Variants in SYN2 observed in about 807,000 individuals in gnomAD.
The protein encoded by SYN2 is synapsin II.
In SYN2, 19 loss-of-function variants were observed where a neutral mutation model predicts 50.9. The observed-to-expected ratio is 0.37, with a 90% CI of 0.26 to 0.55. The LOEUF is 0.55. Ranked by LOEUF, SYN2 falls within the 20% of genes least tolerant of loss-of-function variation. SYN2 has a pLI of 0.81. For synonymous variants in SYN2, 255 were observed against 224.9 expected, an observed-to-expected ratio of 1.13 and a Z score of -1.20; for missense variants, 587 against 576.4, an observed-to-expected ratio of 1.02 and a Z score of -0.19.
chr3:12,111,803 G>C lies in SYN2; in HGVS notation c.378-28848G>C, dbSNP rs75199416. Among the ~76,000 whole-genome samples, 276 of 152,268 alleles carry C rather than the reference G, an allele frequency of 1.8e-3. 4 individuals carry two copies. In the East Asian group the frequency reaches 0.048, roughly 27 times the overall value. ...CACTGCTTTGGGCCATTCATTCCTA[G>C]GGATATTGACTACTGTTCCACGTTG... On this transcript the variant is annotated intron_variant, in intron 1 of 12. Transcript: ENST00000621198.
At chr3:12,082,714 C>T (rs907150463) in intron 1 of SYN2, among the ~76,000 whole-genome samples, 13 of 152,160 alleles carry the variant, frequency 8.5e-5, no homozygotes, top group East Asian at 1.9e-4. Flanking sequence ...TTTATAATCC[C>T]TTGATATATA....
intron 1 of SYN2, among the ~76,000 whole-genome samples, chr3:12,089,465 G>C (rs1695779293): frequency 6.6e-6 from 1 of 152,050 alleles, no homozygotes; most frequent in African/African-American, 2.4e-5. Context: ...ATGAGATTTG[G>C]GTGGGGACAC....
intron 10 of SYN2, among the ~76,000 whole-genome samples, chr3:12,183,038 AT>A (rs1698258131): frequency 6.6e-6 from 1 of 152,240 alleles, no homozygotes; most frequent in Admixed American, 6.5e-5. Flanking sequence ...ATGAGTCTAA[AT>A]GGAGGAAAAT....
chr3:12,162,053 C>G lies in SYN2; in HGVS notation c.879C>G (p.Ser293Arg). 1 of 1,614,032 alleles carries G rather than the reference C, an allele frequency of 6.2e-7. No individual in the cohort carries two copies. Among genetic ancestry groups the G allele is most frequent in the Non-Finnish European group, 8.5e-7 (1 of 1,179,908 alleles). Residue 293 changes from serine (S) to arginine (R), a missense_variant, in exon 7 of 13, where the codon AGC (serine) becomes AGG (arginine). Ser to Arg is a moderately radical substitution (Grantham distance 110). Transcript: ENST00000621198. ...ENHYDFQDIA[S>R]VVALTQTYAT... ...ACTACGACTTCCAGGACATTGCCAG[C>G]GTGGTGGCTCTCACCCAGACCTATG...
intron 1 of SYN2, among the ~76,000 whole-genome samples, chr3:12,007,589 A>T (rs898867935): frequency 6.6e-6 from 1 of 152,232 alleles, no homozygotes; most frequent in Non-Finnish European, 1.5e-5. Context: ...GATATCGTAT[A>T]TGCCCTATAT....
Position 12,058,003 on chromosome 3 carries a change from A to G in SYN2, c.377+53075A>G, listed in dbSNP as rs1287247111. Among the ~76,000 whole-genome samples, 7 of 152,122 alleles carry G rather than the reference A, an allele frequency of 4.6e-5. No individual in the cohort carries two copies. In the East Asian group the frequency reaches 1.2e-3, roughly 25 times the overall value. On this transcript the variant is annotated intron_variant, in intron 1 of 12. Coordinates refer to ENST00000621198, the MANE Select transcript of SYN2 (RefSeq NM_133625.6). ...ATATATTCTGTGGTCCCATTCCCCAACCCTTCTCCATCAGAATCTACATTT... is the reference window on the plus strand; with the variant it reads ...ATATATTCTGTGGTCCCATTCCCCAGCCCTTCTCCATCAGAATCTACATTT...
chr3:12,130,615 A>G (rs1696776194), intron 1 of SYN2, among the ~76,000 whole-genome samples: 1 of 152,210 alleles, frequency 6.6e-6, no homozygotes, highest in Non-Finnish European at 1.5e-5. Flanking sequence ...AAACACATTT[A>G]GAAATAATGT....
chr3:12,019,640 A>T (rs1416399646), intron 1 of SYN2, among the ~76,000 whole-genome samples: 1 of 152,168 alleles, frequency 6.6e-6, no homozygotes, highest in African/African-American at 2.4e-5. Context: ...ACTCAACTTA[A>T]CTGTGACCCT....
At chr3:12,104,006 A>C (rs2125190883) in intron 1 of SYN2, among the ~76,000 whole-genome samples, 1 of 152,366 alleles carries the variant, frequency 6.6e-6, no homozygotes, top group African/African-American at 2.4e-5. Context: ...AAAATATCTA[A>C]ACAAGATATA....
chr3:12,187,447 T>A lies in SYN2; in HGVS notation c.1448T>A (p.Leu483Gln). The A allele has an allele frequency of 6.4e-7, 1 of 1,553,208 alleles. No individual in the cohort carries two copies. Among genetic ancestry groups the A allele is most frequent in the Non-Finnish European group, 8.7e-7 (1 of 1,147,686 alleles). ...CGCCGGCTCCCCCCTGGACCATCACTGCCACCTTCCTCCTCTTCCTCCTCT... is the reference window on the plus strand; with the variant it reads ...CGCCGGCTCCCCCCTGGACCATCACAGCCACCTTCCTCCTCTTCCTCCTCT... ...PPRRLPPGPS[L>Q]PPSSSSSSSS... is the part of the protein sequence containing the mutation. Residue 483 changes from leucine to glutamine, a missense_variant, in exon 12 of 13, where the codon CTG becomes CAG. Physicochemically the swap from Leu to Gln is moderately radical, Grantham distance 113 (BLOSUM62 -2). Coordinates refer to ENST00000621198, the MANE Select transcript of SYN2 (RefSeq NM_133625.6).
At chr3:12,135,959 T>C (rs1696886041) in intron 1 of SYN2, among the ~76,000 whole-genome samples, 1 of 152,222 alleles carries the variant, frequency 6.6e-6, no homozygotes, top group African/African-American at 2.4e-5. Context: ...TCAAAAATTT[T>C]CTGAAAAATC....
chr3:12,057,614 T>G (rs1695023089), intron 1 of SYN2, among the ~76,000 whole-genome samples: 1 of 152,146 alleles, frequency 6.6e-6, no homozygotes, highest in African/African-American at 2.4e-5. Flanking sequence ...AAAGTTGGCT[T>G]TATATTTTGT....
chr3:12,158,932 C>T, intron 5 of SYN2: 2 of 1,422,962 alleles, frequency 1.4e-6, no homozygotes, highest in South Asian at 1.5e-5. Context: ...CCCCTCGCCC[C>T]AGGCTTTATG....
intron 1 of SYN2, among the ~76,000 whole-genome samples, chr3:12,108,825 A>G (rs1422190625): frequency 2.0e-5 from 3 of 148,144 alleles, no homozygotes; most frequent in African/African-American, 7.6e-5. Flanking sequence ...AAAAAAACAT[A>G]TAATCAGTTT....
At chr3:12,181,620 A>G (rs970978350) in intron 10 of SYN2, among the ~76,000 whole-genome samples, 2 of 152,260 alleles carry the variant, frequency 1.3e-5, no homozygotes, top group Non-Finnish European at 2.9e-5. Flanking sequence ...TAAGCACGCC[A>G]TAAATGTCAG....
chr3:12,050,613 G>T (rs763375462), intron 1 of SYN2, among the ~76,000 whole-genome samples: 2 of 150,942 alleles, frequency 1.3e-5, no homozygotes, highest in South Asian at 4.2e-4. Flanking sequence ...CAAAGTGCTG[G>T]GATTACAGGC....
At chr3:12,054,982 G>A (rs1257937291) in intron 1 of SYN2, among the ~76,000 whole-genome samples, 1 of 151,918 alleles carries the variant, frequency 6.6e-6, no homozygotes, top group Admixed American at 6.6e-5. Context: ...AATATTGATT[G>A]GTCAAGAAGA....
In SYN2 at chr3:12,183,415, G is replaced by T. The variant is rs1698267764; in HGVS notation, c.1369+43G>T. 3 of 1,612,650 alleles carry T rather than the reference G, an allele frequency of 1.9e-6. No individual in the cohort carries two copies. In the East Asian group the frequency reaches 6.7e-5, roughly 36 times the overall value. On this transcript the variant is annotated intron_variant, in intron 11 of 12. Coordinates refer to ENST00000621198, the MANE Select transcript of SYN2 (RefSeq NM_133625.6). Reference sequence around the variant, plus strand: ...CTCGACTGTAATGGCATTGCAGTAGGGCCAAAACAAGTCCAAGCTTCTTAA... The same window carrying T: ...CTCGACTGTAATGGCATTGCAGTAGTGCCAAAACAAGTCCAAGCTTCTTAA...
Position 12,014,472 on chromosome 3 carries a change from T to TA in SYN2, c.377+9544_377+9545insA, listed in dbSNP as rs578005852. Among the ~76,000 whole-genome samples, 50 of 152,322 alleles carry TA rather than the reference T, an allele frequency of 3.3e-4. 2 individuals are homozygous for TA. The East Asian group carries it at 8.7e-3, about 26-fold the overall frequency. The stretch of plus-strand genomic sequence containing the variant: ...TTCAACCATACCACATCATAAATCT[T>TA]TAGAGATTTAGCTCTGAATGAGAGA... On this transcript the variant is annotated intron_variant, in intron 1 of 12. Transcript: ENST00000621198.
Sources: gnomAD v4.1 joint callset for allele counts (sites outside exome capture counted in the v4.1 genomes callset) on GRCh38, gnomAD v4.1.1 for gene constraint, MANE v1.5 for transcripts, NCBI Gene and HGNC (gene_info 2026-07-23, HGNC 2026-07-21) for gene names.